The following EDIL3 variants were observed in gnomAD, a reference collection of about 807,000 sequenced individuals.
EDIL3 encodes the protein EGF like and discoidin domains 3.
A neutral mutation model predicts 67.4 loss-of-function variants in EDIL3; 37 were observed. The ratio of observed to expected loss-of-function variants is 0.55; its 90% CI spans 0.42 to 0.72. The LOEUF (loss-of-function observed/expected upper bound fraction) is 0.72, where lower values mean the gene tolerates loss of function less well. Among genes scored for constraint, EDIL3 ranks in the 30% least tolerant of loss-of-function variants. EDIL3 has a pLI of 0.00. For missense variants in EDIL3, 527 were observed against 586.3 expected, an observed-to-expected ratio of 0.90 and a Z score of 1.04; for synonymous variants, 195 against 196.3, an observed-to-expected ratio of 0.99 and a Z score of 0.05.
intron 3 of EDIL3, among the ~76,000 whole-genome samples, chr5:84,190,604 T>C (rs1030575618): frequency 9.0e-6 from 1 of 111,190 alleles, no homozygotes; most frequent in Non-Finnish European, 1.9e-5. Flanking sequence ...TATATATATA[T>C]AATAAACAAA....
intron 10 of EDIL3, among the ~76,000 whole-genome samples, chr5:83,958,829 C>T (rs1169475232): frequency 6.6e-6 from 1 of 151,328 alleles, no homozygotes; most frequent in Non-Finnish European, 1.5e-5. Context: ...ACAAATGTCA[C>T]TTTCATAAGA....
chr5:84,103,930 T>C (rs1180768767), intron 6 of EDIL3, among the ~76,000 whole-genome samples: 1 of 152,040 alleles, frequency 6.6e-6, no homozygotes, highest in Admixed American at 6.6e-5. Flanking sequence ...ATGTTCACTG[T>C]AGCACCATTC....
chr5:83,944,093 A>G (rs1744272344), intron 10 of EDIL3, among the ~76,000 whole-genome samples: 2 of 151,970 alleles, frequency 1.3e-5, no homozygotes, highest in South Asian at 2.1e-4. Flanking sequence ...TTACCTAATT[A>G]TATGACTCCA....
chr5:84,141,199 A>G (rs1342949630), intron 4 of EDIL3, among the ~76,000 whole-genome samples: 1 of 151,760 alleles, frequency 6.6e-6, no homozygotes, highest in Admixed American at 6.6e-5. Context: ...CCCATATGAA[A>G]TAGAAATTTC....
chr5:84,010,258 C>T (rs1745494797), intron 9 of EDIL3, among the ~76,000 whole-genome samples: 1 of 152,132 alleles, frequency 6.6e-6, no homozygotes, highest in Non-Finnish European at 1.5e-5. Context: ...TATCAAGTAA[C>T]CTTTTCTTAC....
At chr5:84,288,925 G>A (rs553639376) in intron 1 of EDIL3, among the ~76,000 whole-genome samples, 31 of 151,614 alleles carry the variant, frequency 2.0e-4, no homozygotes, top group Admixed American at 2.0e-3. Flanking sequence ...CATAAAATAA[G>A]TGCTCGAGAA....
intron 9 of EDIL3, among the ~76,000 whole-genome samples, chr5:83,965,731 T>C (rs886739486): frequency 6.6e-6 from 1 of 152,028 alleles, no homozygotes; most frequent in Non-Finnish European, 1.5e-5. Context: ...CAGATACGTT[T>C]TTCTCCCACT....
intron 5 of EDIL3, among the ~76,000 whole-genome samples, 184 bp from the exon 6 acceptor site, chr5:84,107,014 T>C (rs1747478423): frequency 6.6e-6 from 1 of 152,152 alleles, no homozygotes; most frequent in Admixed American, 6.6e-5. Context: ...TTGCTTCTCA[T>C]GACCCTCTCT....
At position 84,297,386 on chromosome 5, in the gene EDIL3, T is replaced by A. The variant is rs527487868; in HGVS notation, c.68-43174A>T. On this transcript the variant is annotated intron_variant, in intron 1 of 10. Coordinates refer to ENST00000296591, the MANE Select transcript of EDIL3 (RefSeq NM_005711.5). Reference sequence around the variant, plus strand: ...ATAAAAAATTTCAAGAAACAACAGATGCTGATGAGGTTTCAGAGAAATAGG... The same window carrying A: ...ATAAAAAATTTCAAGAAACAACAGAAGCTGATGAGGTTTCAGAGAAATAGG... Among the ~76,000 whole-genome samples, 19 of 152,198 alleles carry A rather than the reference T, an allele frequency of 1.2e-4. No individual in the cohort carries two copies. The East Asian group carries it at 3.5e-3, about 28-fold the overall frequency.
At chr5:84,300,172 G>A (rs1333895010) in intron 1 of EDIL3, among the ~76,000 whole-genome samples, 1 of 152,158 alleles carries the variant, frequency 6.6e-6, no homozygotes. Flanking sequence ...GTGTTTTATT[G>A]CCTTTCCATC....
intron 6 of EDIL3, among the ~76,000 whole-genome samples, chr5:84,095,209 G>A (rs1747242254): frequency 6.6e-6 from 1 of 152,152 alleles, no homozygotes; most frequent in South Asian, 2.1e-4. Context: ...TAGGCCTGTG[G>A]AGCAATTTAG....
At chr5:84,095,584 A>G (rs2112272367) in intron 6 of EDIL3, among the ~76,000 whole-genome samples, 1 of 152,284 alleles carries the variant, frequency 6.6e-6, no homozygotes, top group Middle Eastern at 3.4e-3. Flanking sequence ...CTTGAGAGAG[A>G]TGATTTAGGG....
chr5:84,074,114 A>C (rs1028464056), intron 6 of EDIL3, among the ~76,000 whole-genome samples: 6 of 152,118 alleles, frequency 3.9e-5, no homozygotes, highest in African/African-American at 1.4e-4. Context: ...TCCCTATTTA[A>C]TAAATGGTGC....
intron 5 of EDIL3, among the ~76,000 whole-genome samples, chr5:84,114,136 A>G (rs1747622369): frequency 1.3e-5 from 2 of 149,418 alleles, no homozygotes; most frequent in Admixed American, 6.7e-5. Context: ...GAGGGTTTAA[A>G]GGAACCCTAA....
intron 3 of EDIL3, among the ~76,000 whole-genome samples, chr5:84,221,283 A>T (rs1195730823): frequency 6.6e-6 from 1 of 152,118 alleles, no homozygotes; most frequent in Admixed American, 6.6e-5. Flanking sequence ...TGGGGGCAAG[A>T]TGATAGATTA....
intron 1 of EDIL3, among the ~76,000 whole-genome samples, chr5:84,259,196 T>C (rs537031575): frequency 1.3e-5 from 2 of 152,172 alleles, no homozygotes; most frequent in African/African-American, 4.8e-5. Context: ...CCTGACCTCA[T>C]GATCTGCCTG....
chr5:84,118,040 A>G (rs969006484), intron 5 of EDIL3, among the ~76,000 whole-genome samples: 1 of 152,212 alleles, frequency 6.6e-6, no homozygotes, highest in Non-Finnish European at 1.5e-5. Flanking sequence ...TGGATACAGC[A>G]GGATATAGTC....
intron 9 of EDIL3, among the ~76,000 whole-genome samples, chr5:84,016,974 A>G (rs1745618734): frequency 6.6e-6 from 1 of 152,180 alleles, no homozygotes; most frequent in Non-Finnish European, 1.5e-5. Flanking sequence ...TTCCTGTGCT[A>G]CTTGGTAGCT....
chr5:84,384,189 GCCAGCGGCGCTCGCC>G (rs1259860212), intron 1 of EDIL3, 104 bp downstream of exon 1: 1 of 1,300,198 alleles, frequency 7.7e-7, no homozygotes, highest in Non-Finnish European at 1.1e-6. Context: ...CCTCCGCGCC[GCCAGCGGCGCTCGCC>G]ACCCTTGGCA....
Sources: gnomAD v4.1 joint callset for allele counts (sites outside exome capture counted in the v4.1 genomes callset) on GRCh38, gnomAD v4.1.1 for gene constraint, MANE v1.5 for transcripts, NCBI Gene and HGNC (gene_info 2026-07-23, HGNC 2026-07-21) for gene names.